The following HECW1 variants were observed in gnomAD, a reference collection of about 807,000 sequenced individuals.
The protein encoded by HECW1 is HECT, C2 and WW domain containing E3 ubiquitin protein ligase 1.
HECW1 carries 61 observed loss-of-function variants against 182.3 expected under a neutral mutation model. The observed-to-expected ratio is 0.33, with a 90% CI of 0.27 to 0.41. HECW1 has a LOEUF of 0.41. HECW1 is among the 10% of genes least tolerant of loss of function. The pLI is 1.00. For synonymous variants in HECW1, 859 were observed against 832.6 expected (o/e 1.03, Z -0.55); for missense variants, 1,739 against 2,108.9 (o/e 0.82, Z 3.44).
At chr7:43,132,739 C>T (rs1042486820) in intron 2 of HECW1, among the ~76,000 whole-genome samples, 10 of 152,078 alleles carry the variant, frequency 6.6e-5, no homozygotes, top group African/African-American at 9.7e-5. Flanking sequence ...TAATTCTTGA[C>T]CCTTCTTTCT....
intron 2 of HECW1, among the ~76,000 whole-genome samples, chr7:43,168,464 C>T (rs1354417039): frequency 6.6e-6 from 1 of 152,072 alleles, no homozygotes; most frequent in Non-Finnish European, 1.5e-5. Flanking sequence ...TTGAGACCAA[C>T]CTGGGCAACA....
rs1388074482 is a variant in HECW1 at position 43,432,691 on chromosome 7, A to G, written c.802-5312A>G. 5.3e-5 allele frequency among the ~76,000 whole-genome samples: 8 copies of G among 152,208 alleles called. No individual in the cohort carries two copies. The highest frequency in any genetic ancestry group is 1.2e-4 in the Non-Finnish European group (8 of 68,036). ...CCAAAAAGTGTTTATGAATGAATGG[A>G]TACAACTTTCCCCTCCTTTATTTAC... On this transcript the variant is annotated intron_variant, in intron 8 of 29. Transcript: ENST00000395891. This position sits in a 1 kb window ranked among gnomAD's most constrained non-coding sequence, Gnocchi z 4.1.
chr7:43,404,119 T>C (rs1287303678), intron 7 of HECW1, among the ~76,000 whole-genome samples: 1 of 152,190 alleles, frequency 6.6e-6, no homozygotes, highest in Non-Finnish European at 1.5e-5. Flanking sequence ...CAACAATGAG[T>C]GTTCTCAAAT....
intron 24 of HECW1, among the ~76,000 whole-genome samples, chr7:43,526,214 TG>T (rs1216953347): frequency 2.6e-5 from 4 of 152,238 alleles, no homozygotes; most frequent in Non-Finnish European, 5.9e-5. Context: ...AACTTGATGT[TG>T]TCAGAGCCAT....
chr7:43,394,884 G>A (rs980543209), intron 6 of HECW1, among the ~76,000 whole-genome samples: 4 of 152,170 alleles, frequency 2.6e-5, no homozygotes, highest in Non-Finnish European at 5.9e-5. Context: ...AGTTTTTAAC[G>A]ATAACTTGGT....
intron 3 of HECW1, among the ~76,000 whole-genome samples, chr7:43,270,535 T>C (rs1802281081): frequency 1.3e-5 from 2 of 152,178 alleles, no homozygotes; most frequent in Non-Finnish European, 1.5e-5. Flanking sequence ...ACATTGTTAC[T>C]CCTGCTGAAT....
intron 2 of HECW1, among the ~76,000 whole-genome samples, chr7:43,172,071 C>T (rs553730110): frequency 6.7e-5 from 10 of 148,598 alleles, no homozygotes; most frequent in Non-Finnish European, 1.3e-4. Context: ...TGAGGTCTGG[C>T]GTTCAAAACC....
chr7:43,164,012 C>T (rs1790827862), intron 2 of HECW1, among the ~76,000 whole-genome samples: 1 of 152,186 alleles, frequency 6.6e-6, no homozygotes, highest in Non-Finnish European at 1.5e-5. Context: ...CCTGCCCTGG[C>T]TGGCAGATTT....
intron 2 of HECW1, among the ~76,000 whole-genome samples, chr7:43,224,727 A>T (rs530518572): frequency 1.3e-5 from 2 of 152,220 alleles, no homozygotes; most frequent in Non-Finnish European, 2.9e-5. Context: ...AAGTGAGAGG[A>T]TCACCTGAGC....
chr7:43,477,023 C>CA (rs978062537), intron 16 of HECW1, among the ~76,000 whole-genome samples: 8 of 151,926 alleles, frequency 5.3e-5, no homozygotes, highest in African/African-American at 1.9e-4. Context: ...ACAACAATAG[C>CA]AAAAAAGGGA....
At chr7:43,486,900 C>T (rs2152913978) in intron 17 of HECW1, among the ~76,000 whole-genome samples, 1 of 152,364 alleles carries the variant, frequency 6.6e-6, no homozygotes, top group South Asian at 2.1e-4. Context: ...ACAGTTTCCA[C>T]ACCATTAACA....
Position 43,297,861 on chromosome 7 carries a change from C to T in HECW1, c.28-13902C>T, listed in dbSNP as rs1397360031. On this transcript the variant is annotated intron_variant, in intron 3 of 29. Coordinates refer to ENST00000395891, the MANE Select transcript of HECW1 (RefSeq NM_015052.5). ...CCAAAGCAGGAGGATTACTGGAGGC[C>T]AGGAGTTGAAGACCAATCTGGGCAG... Among the ~76,000 whole-genome samples the T allele has an allele frequency of 8.6e-4, 131 of 152,148 alleles. 3 individuals carry two copies. The highest frequency in any genetic ancestry group is 8.6e-3 in the Admixed American group (131 of 15,274).
chr7:43,315,822 C>G (rs1408502032), intron 4 of HECW1, among the ~76,000 whole-genome samples: 2 of 152,092 alleles, frequency 1.3e-5, no homozygotes, highest in African/African-American at 4.8e-5. Flanking sequence ...AAGTCATGGT[C>G]CAGCCACAGT....
intron 21 of HECW1, among the ~76,000 whole-genome samples, chr7:43,503,217 C>G (rs2079438465): frequency 1.3e-5 from 2 of 152,246 alleles, no homozygotes; most frequent in South Asian, 4.1e-4. Context: ...CTAAAAAGAC[C>G]AGGAGCTTTG....
At chr7:43,425,300 TAGATGATAGATA>T (rs1375195134) in intron 8 of HECW1, among the ~76,000 whole-genome samples, 30 of 122,060 alleles carry the variant, frequency 2.5e-4, no homozygotes, top group African/African-American at 1.0e-3. Flanking sequence ...GATAGATAGA[TAGATGATAGATA>T]GATAGATAGA....
chr7:43,485,053 T>C (rs1157017246), intron 17 of HECW1, among the ~76,000 whole-genome samples: 1 of 152,192 alleles, frequency 6.6e-6, no homozygotes, highest in East Asian at 1.9e-4. Flanking sequence ...TGCCATCTTA[T>C]CTTGGTCAGG....
chr7:43,526,047 C>A (rs2080744262), intron 24 of HECW1, among the ~76,000 whole-genome samples: 1 of 152,228 alleles, frequency 6.6e-6, no homozygotes, highest in Non-Finnish European at 1.5e-5. Flanking sequence ...AACATAGTCA[C>A]AAGCCTCAAT....
chr7:43,241,855 G>A (rs1041138083), intron 2 of HECW1, among the ~76,000 whole-genome samples: 14 of 152,036 alleles, frequency 9.2e-5, no homozygotes, highest in Admixed American at 2.6e-4. Context: ...AATAACTACA[G>A]GGTACTATTC....
chr7:43,247,503 C>T (rs1408249356), intron 3 of HECW1, among the ~76,000 whole-genome samples: 1 of 152,114 alleles, frequency 6.6e-6, no homozygotes, highest in African/African-American at 2.4e-5. Context: ...TTTAGCCAGG[C>T]ATGGCAGTGC....
Sources: gnomAD v4.1 joint callset for allele counts (sites outside exome capture counted in the v4.1 genomes callset) on GRCh38, gnomAD v4.1.1 for gene constraint, Gnocchi (gnomAD v3.1) non-coding constraint, MANE v1.5 for transcripts, NCBI Gene and HGNC (gene_info 2026-07-23, HGNC 2026-07-21) for gene names.